The following HECW1 variants were observed in gnomAD, a reference collection of about 807,000 sequenced individuals.
HECW1 encodes HECT, C2 and WW domain containing E3 ubiquitin protein ligase 1.
Under a neutral mutation model 182.3 loss-of-function variants are expected in HECW1, and 61 were observed. The ratio of observed to expected loss-of-function variants is 0.33; its 90% confidence interval spans 0.27 to 0.41. The LOEUF is 0.41. Among genes scored for constraint, HECW1 ranks in the 10% least tolerant of loss-of-function variants. The pLI is 1.00. For missense variants in HECW1, 1,739 were observed against 2,108.9 expected, an observed-to-expected ratio of 0.82 and a Z score of 3.44; for synonymous variants, 859 against 832.6, an observed-to-expected ratio of 1.03 and a Z score of -0.55.
At chr7:43,311,281 G>A (rs1808469921) in intron 3 of HECW1, among the ~76,000 whole-genome samples, 1 of 152,182 alleles carries the variant, frequency 6.6e-6, no homozygotes, top group African/African-American at 2.4e-5. Context: ...CACCCAGCAG[G>A]GACCACTCCT....
rs747536036 is a variant in HECW1, at chr7:43,450,890, C to T, written c.2461C>T (p.His821Tyr). Reference sequence around the variant, plus strand: ...CCAGCTTCCTTCCCTGAGGCCTGAACATCATCACTACCCAACAATCGATGA... The same window carrying T: ...CCAGCTTCCTTCCCTGAGGCCTGAATATCATCACTACCCAACAATCGATGA... ...VSQLPSLRPE[H>Y]HHYPTIDEPL... The change falls in exon 12 of 30, where the codon CAT becomes TAT. Residue 821 changes from histidine to tyrosine, a missense_variant. Physicochemically the swap from His to Tyr is moderately conservative, Grantham distance 83. Transcript: ENST00000395891. 3.7e-6 allele frequency: 6 copies of T among 1,613,422 alleles called. No individual in the cohort carries two copies. In the South Asian group the frequency reaches 4.4e-5, roughly 12 times the overall value.
chr7:43,372,848 A>G (rs1049758129), intron 6 of HECW1, among the ~76,000 whole-genome samples: 2 of 152,126 alleles, frequency 1.3e-5, no homozygotes, highest in African/African-American at 4.8e-5. Flanking sequence ...GAGTGCTAAA[A>G]CGGTTGCCAA....
rs372230595 is a variant in HECW1, at chr7:43,469,930, G to A, written c.3099+825G>A. Among the ~76,000 whole-genome samples, 101 of 152,304 alleles carry A rather than the reference G, an allele frequency of 6.6e-4. 3 individuals carry two copies. The South Asian group carries it at 0.02, about 31-fold the overall frequency. ...ACGTTCCCCAAAGGGAGCTGATGGG[G>A]CATCAATGTCCCCTCGAAGCCATGA... On this transcript the variant is annotated intron_variant, in intron 16 of 29. Transcript: ENST00000395891.
intron 2 of HECW1, among the ~76,000 whole-genome samples, chr7:43,155,020 G>A (rs1029479): frequency 0.26 from 40,112 of 151,982 alleles, 5,478 homozygotes; most frequent in East Asian, 0.36. Context: ...AGACTACAAC[G>A]CAAGGCTGCA....
chr7:43,176,896 T>C (rs1055132805), intron 2 of HECW1, among the ~76,000 whole-genome samples: 2 of 152,188 alleles, frequency 1.3e-5, no homozygotes, highest in African/African-American at 4.8e-5. Context: ...GCCACCTGCA[T>C]TGCAATTACG....
At chr7:43,510,934 C>T (rs957597830) in intron 24 of HECW1, 1 of 152,326 alleles carries the variant, frequency 6.6e-6, no homozygotes, top group African/African-American at 2.4e-5. Context: ...GCCTCCGTCA[C>T]TTTCCACAGT....
intron 9 of HECW1, 160 bp downstream of exon 9, chr7:43,438,305 T>A (rs2076773083): frequency 1.7e-6 from 1 of 590,136 alleles, no homozygotes; most frequent in Admixed American, 3.4e-5. Context: ...TGAGCCAACA[T>A]AAGTGTTTGT....
chr7:43,243,754 G>T lies in HECW1; in HGVS notation c.-31-121G>T. 1 of 762,254 alleles carries T rather than the reference G, an allele frequency of 1.3e-6. No individual in the cohort carries two copies. The highest frequency in any genetic ancestry group is 2.5e-5 in the East Asian group (1 of 39,978). The allele number at this position is 762,254 out of a possible 1,614,324, so 47.2% of individuals were successfully genotyped here. ...TGTGTGATTTTTCCTTTTGCACGTC[G>T]GTTGCCCAGGCCAGGTATCTTGGCG... On this transcript the variant is annotated intron_variant, in intron 2 of 29. Transcript: ENST00000395891. The surrounding 1 kb of genome is among the most constrained non-coding windows in gnomAD (Gnocchi z 4.0).
At chr7:43,373,706 C>T (rs1184334707) in intron 6 of HECW1, among the ~76,000 whole-genome samples, 3 of 152,022 alleles carry the variant, frequency 2.0e-5, no homozygotes, top group Non-Finnish European at 2.9e-5. Context: ...TGTGCATTCA[C>T]GTTGTCCAAC....
chr7:43,562,396 T>A lies in HECW1; in HGVS notation c.*470T>A. 8.7e-6 allele frequency: 2 copies of A among 229,494 alleles called. No homozygotes were observed. 14.2% of individuals were successfully genotyped at this position (229,494 alleles called of 1,614,324 possible). Reference sequence around the variant, plus strand: ...AATAACCAACTCCAGAACTAGGAGCTGATCAACTCTTTGTTTTCCTCTCCA... The same window carrying A: ...AATAACCAACTCCAGAACTAGGAGCAGATCAACTCTTTGTTTTCCTCTCCA... On this transcript the variant is annotated 3_prime_UTR_variant, in exon 30 of 30. Transcript: ENST00000395891.
chr7:43,241,629 T>C (rs1277075653), intron 2 of HECW1: 1 of 151,006 alleles, frequency 6.6e-6, no homozygotes, highest in Non-Finnish European at 1.4e-5. Context: ...TGTGTGTGTG[T>C]GTGTGTGTGT....
chr7:43,517,497 T>G (rs575491912), intron 24 of HECW1, among the ~76,000 whole-genome samples: 11 of 152,268 alleles, frequency 7.2e-5, no homozygotes, highest in African/African-American at 2.6e-4. Context: ...TAAGTGGGTA[T>G]TAAGTGTAAT....
At position 43,541,462 on chromosome 7, in the gene HECW1, G is replaced by A. The variant is rs559039727; in HGVS notation, c.4118+201G>A. 3.3e-5 allele frequency among the ~76,000 whole-genome samples: 5 copies of A among 152,264 alleles called. No individual in the cohort carries two copies. The South Asian group carries it at 1.0e-3, about 32-fold the overall frequency. On this transcript the variant is annotated intron_variant, in intron 25 of 29. Coordinates refer to ENST00000395891, the MANE Select transcript of HECW1 (RefSeq NM_015052.5). ...AAAGGTATTTGGGGATTTTGTTGTTGTTGTAAGGGAAGATTCTATTATCAA... is the reference window on the plus strand; with the variant it reads ...AAAGGTATTTGGGGATTTTGTTGTTATTGTAAGGGAAGATTCTATTATCAA...
chr7:43,519,860 A>T (rs193284564), intron 24 of HECW1, among the ~76,000 whole-genome samples: 34 of 152,344 alleles, frequency 2.2e-4, no homozygotes, highest in Non-Finnish European at 4.0e-4. Context: ...AGCTAGAGAT[A>T]TGTAAATATA....
rs746289487 is a variant in HECW1, at chr7:43,491,592, G to C, written c.3235-483G>C. On this transcript the variant is annotated intron_variant, in intron 17 of 29. Coordinates refer to ENST00000395891, the MANE Select transcript of HECW1 (RefSeq NM_015052.5). ...GTGTATTAATTTGATTAATATTCATGACTTTGACATGATCACTTCTTTTTT... is the reference window on the plus strand; with the variant it reads ...GTGTATTAATTTGATTAATATTCATCACTTTGACATGATCACTTCTTTTTT... 4.6e-5 allele frequency among the ~76,000 whole-genome samples: 7 copies of C among 152,208 alleles called. No homozygotes were observed. In the South Asian group the frequency reaches 6.2e-4, roughly 14 times the overall value.
intron 17 of HECW1, among the ~76,000 whole-genome samples, chr7:43,490,149 G>C (rs890274704): frequency 1.2e-4 from 19 of 152,302 alleles, no homozygotes; most frequent in Non-Finnish European, 2.5e-4. Flanking sequence ...GCCTAATTTG[G>C]GAGTATACTT....
chr7:43,364,386 G>A (rs1816354091), intron 6 of HECW1, among the ~76,000 whole-genome samples: 2 of 152,312 alleles, frequency 1.3e-5, no homozygotes, highest in African/African-American at 4.8e-5. Context: ...CAGAAACTAT[G>A]ATGGATGTGC....
intron 2 of HECW1, among the ~76,000 whole-genome samples, chr7:43,229,935 G>A (rs1048601144): frequency 3.9e-5 from 6 of 152,238 alleles, no homozygotes; most frequent in South Asian, 2.1e-4. Context: ...CAAAAACCAC[G>A]GTAACTTTTG....
intron 3 of HECW1, among the ~76,000 whole-genome samples, chr7:43,300,362 A>C (rs1022027179): frequency 2.6e-5 from 4 of 152,226 alleles, no homozygotes; most frequent in African/African-American, 9.6e-5. Context: ...TAGAAAGAGC[A>C]CAAGAGTGGG....
Sources: allele counts gnomAD v4.1 joint callset (sites outside exome capture counted in the v4.1 genomes callset), GRCh38; gene constraint gnomAD v4.1.1; non-coding constraint Gnocchi (gnomAD v3.1); transcripts MANE v1.5; gene names NCBI Gene and HGNC (gene_info 2026-07-23, HGNC 2026-07-21).